The following ABL2 variants were observed in gnomAD, a reference collection of about 807,000 sequenced individuals.
ABL2 encodes the protein tyrosine-protein kinase ABL2.
A neutral mutation model predicts 107.7 loss-of-function variants in ABL2; 49 were observed. The ratio of observed to expected loss-of-function variants is 0.45; its 90% CI spans 0.36 to 0.58. The LOEUF (loss-of-function observed/expected upper bound fraction) is 0.58. Among genes scored for constraint, ABL2 ranks in the 20% least tolerant of loss-of-function variants. The pLI, the probability that ABL2 is intolerant of heterozygous loss-of-function variation, is 0.00. For missense variants in ABL2, 1,245 were observed against 1,457.0 expected, an observed-to-expected ratio of 0.85 and a Z score of 2.37; for synonymous variants, 549 against 548.6, an observed-to-expected ratio of 1.00 and a Z score of -0.01.
In ABL2 at chr1:179,131,307, T is replaced by C; in HGVS notation, c.391+4A>G. On this transcript the variant is annotated splice_donor_region_variant and intron_variant, in intron 3 of 11. Transcript: ENST00000502732. ...AGTGAAAGGATGCTACATAGAAGCCTCACCTTTAGTGATGCTGAGTGTGTT... is the reference window on the plus strand; with the variant it reads ...AGTGAAAGGATGCTACATAGAAGCCCCACCTTTAGTGATGCTGAGTGTGTT... The C allele has an allele frequency of 6.2e-7, 1 of 1,612,444 alleles. No homozygotes were observed. The highest frequency in any genetic ancestry group is 8.5e-7 in the Non-Finnish European group (1 of 1,178,700).
At chr1:179,135,303 C>T (rs1213589996) in intron 1 of ABL2, among the ~76,000 whole-genome samples, 2 of 146,774 alleles carry the variant, frequency 1.4e-5, no homozygotes, top group Admixed American at 6.6e-5. Flanking sequence ...TCTTCCCGGC[C>T]GCCATCACAT....
rs990227505 is a variant in ABL2 at position 179,100,019 on chromosome 1, C to T, written c.*7699G>A. On this transcript the variant is annotated 3_prime_UTR_variant, in exon 12 of 12. Coordinates refer to ENST00000502732, the MANE Select transcript of ABL2 (RefSeq NM_007314.4). ...TCTTAATGGGCACGACAGCAATGCA[C>T]GTGTATTTATGGACACAAACACACA... 3 of 232,176 alleles carry T rather than the reference C, an allele frequency of 1.3e-5. No individual in the cohort carries two copies. The highest frequency in any genetic ancestry group is 2.2e-5 in the African/African-American group (1 of 45,270). The allele number at this position is 232,176 out of a possible 1,614,324, so 14.4% of individuals were successfully genotyped here.
intron 1 of ABL2, among the ~76,000 whole-genome samples, chr1:179,168,000 A>G (rs757880282): frequency 5.9e-5 from 9 of 152,220 alleles, no homozygotes; most frequent in African/African-American, 1.7e-4. Flanking sequence ...AACAACAACA[A>G]CAACAAATTA....
At chr1:179,151,784 GA>G (rs1407194977) in intron 1 of ABL2, among the ~76,000 whole-genome samples, 7 of 152,060 alleles carry the variant, frequency 4.6e-5, no homozygotes, top group Non-Finnish European at 1.0e-4. Context: ...ATTAAATGCT[GA>G]AATGATAAAA....
intron 1 of ABL2, among the ~76,000 whole-genome samples, chr1:179,219,101 G>A (rs1662735609): frequency 1.3e-5 from 2 of 152,140 alleles, no homozygotes; most frequent in South Asian, 2.1e-4. Context: ...GGAGTGCAGC[G>A]ACGTGATTAT....
At chr1:179,201,276 A>G (rs1403937556) in intron 1 of ABL2, among the ~76,000 whole-genome samples, 1 of 152,194 alleles carries the variant, frequency 6.6e-6, no homozygotes, top group African/African-American at 2.4e-5. Context: ...GTGTTTTTCT[A>G]TTCAAAATGC....
intron 1 of ABL2, among the ~76,000 whole-genome samples, chr1:179,140,202 C>T (rs936540750): frequency 3.9e-5 from 6 of 152,174 alleles, no homozygotes; most frequent in African/African-American, 1.4e-4. Context: ...GCTGCTATTC[C>T]TCTACCTTAT....
At chr1:179,139,961 CA>C (rs1435061315) in intron 1 of ABL2, among the ~76,000 whole-genome samples, 1 of 152,158 alleles carries the variant, frequency 6.6e-6, no homozygotes, top group Non-Finnish European at 1.5e-5. Context: ...TCCCTGGTGC[CA>C]AAAAGGTTGG....
At chr1:179,157,967 G>A (rs924977604) in intron 1 of ABL2, among the ~76,000 whole-genome samples, 14 of 152,168 alleles carry the variant, frequency 9.2e-5, no homozygotes, top group African/African-American at 2.7e-4. Context: ...TATTTAAACC[G>A]TCTCGAAAGA....
In ABL2 at chr1:179,112,300, G is replaced by T; in HGVS notation, c.1651+9C>A. ...TTAGTCACCAACAGTAAATCCAACAGATTCTCACCTTCAGAAATGCTGGAG... is the reference window on the plus strand; with the variant it reads ...TTAGTCACCAACAGTAAATCCAACATATTCTCACCTTCAGAAATGCTGGAG... On this transcript the variant is annotated intron_variant, in intron 10 of 11. Coordinates refer to ENST00000502732, the MANE Select transcript of ABL2 (RefSeq NM_007314.4). 2 of 1,610,052 alleles carry T rather than the reference G, an allele frequency of 1.2e-6. No individual in the cohort carries two copies. The highest frequency in any genetic ancestry group is 1.7e-6 in the Non-Finnish European group (2 of 1,176,576).
chr1:179,123,211 A>G (rs1316725045), intron 4 of ABL2, among the ~76,000 whole-genome samples: 1 of 152,214 alleles, frequency 6.6e-6, no homozygotes, highest in Non-Finnish European at 1.5e-5. Flanking sequence ...AGAAAGAGCC[A>G]CAATTTACCG....
intron 1 of ABL2, among the ~76,000 whole-genome samples, chr1:179,191,293 T>C (rs557635221): frequency 3.9e-5 from 6 of 152,222 alleles, no homozygotes; most frequent in African/African-American, 1.4e-4. Context: ...TATAAGGTAA[T>C]AGATGATTGC....
In ABL2 at chr1:179,229,473, G is replaced by A. The variant is rs984437025; in HGVS notation, c.-76C>T. Reference sequence around the variant, plus strand: ...CCTCGGCTCCGGCCTCGGGCTCCTGGCGCTGCTCCGGTCTCTCCCTCCCAG... The same window carrying A: ...CCTCGGCTCCGGCCTCGGGCTCCTGACGCTGCTCCGGTCTCTCCCTCCCAG... On this transcript the variant is annotated 5_prime_UTR_variant, in exon 1 of 12. Transcript: ENST00000502732. 7 of 1,383,470 alleles carry A rather than the reference G, an allele frequency of 5.1e-6. No individual in the cohort carries two copies. The highest frequency in any genetic ancestry group is 6.5e-6 in the Non-Finnish European group (7 of 1,069,600). The allele number at this position is 1,383,470 out of a possible 1,614,324, so 85.7% of individuals were successfully genotyped here. A position where few individuals can be genotyped will look rare whatever the true frequency, so the allele number is the denominator to read the frequency against.
chr1:179,227,853 C>G (rs564284687), intron 1 of ABL2, among the ~76,000 whole-genome samples: 1 of 151,484 alleles, frequency 6.6e-6, no homozygotes, highest in Non-Finnish European at 1.5e-5. Flanking sequence ...GCGTTCGAGA[C>G]CAGCCTGGCC....
At chr1:179,166,235 C>G (rs1451567779) in intron 1 of ABL2, among the ~76,000 whole-genome samples, 2 of 151,958 alleles carry the variant, frequency 1.3e-5, no homozygotes, top group African/African-American at 4.8e-5. Context: ...AAAACAAAAA[C>G]AGACAAATGG....
chr1:179,120,278 GA>G lies in ABL2; in HGVS notation c.961-5del. On this transcript the variant is annotated splice_polypyrimidine_tract_variant and splice_region_variant and intron_variant, in intron 5 of 11. Coordinates refer to ENST00000502732, the MANE Select transcript of ABL2 (RefSeq NM_007314.4). ...CTTCTACCTCCATGGTATCTTCCTA[GA>G]AAAAGGGAAAGGTAAGAAAGAAGAA... The G allele has an allele frequency of 1.9e-6, 3 of 1,592,304 alleles. No homozygotes were observed. Among genetic ancestry groups the G allele is most frequent in the South Asian group, 1.1e-5 (1 of 88,482 alleles).
intron 6 of ABL2, 64 bp downstream of exon 6, chr1:179,120,126 A>G (rs1328387824): frequency 3.0e-6 from 3 of 1,015,622 alleles, no homozygotes; most frequent in Non-Finnish European, 4.4e-6. Flanking sequence ...GCATTTGGAG[A>G]TAACAAGGGG....
rs1357555085 is a variant in ABL2, at chr1:179,104,348, T to C, written c.*3370A>G. The C allele has an allele frequency of 4.4e-6, 1 of 225,182 alleles. No individual in the cohort carries two copies. Among genetic ancestry groups the C allele is most frequent in the African/African-American group, 2.2e-5 (1 of 44,920 alleles). The allele number at this position is 225,182 out of a possible 1,614,324, so 13.9% of individuals were successfully genotyped here. On this transcript the variant is annotated 3_prime_UTR_variant, in exon 12 of 12. Coordinates refer to ENST00000502732, the MANE Select transcript of ABL2 (RefSeq NM_007314.4). ...TATACTGCATCCTTTAAACTCAAAATCTCCATGACTTTAGTTAAATAAAAA... is the reference window on the plus strand; with the variant it reads ...TATACTGCATCCTTTAAACTCAAAACCTCCATGACTTTAGTTAAATAAAAA...
At chr1:179,115,339 C>T (rs896858829) in intron 8 of ABL2, among the ~76,000 whole-genome samples, 6 of 152,156 alleles carry the variant, frequency 3.9e-5, no homozygotes, top group Admixed American at 2.0e-4. Flanking sequence ...TCCAACTATT[C>T]TTAGAAAAGT....
Sources: allele counts gnomAD v4.1 joint callset (sites outside exome capture counted in the v4.1 genomes callset), GRCh38; gene constraint gnomAD v4.1.1; transcripts MANE v1.5; gene names NCBI Gene and HGNC (gene_info 2026-07-23, HGNC 2026-07-21).